DAB1: variants seen among roughly 807,000 people sequenced by gnomAD.
The protein encoded by DAB1 is DAB adaptor protein 1, also known as disabled homolog 1.
Under a neutral mutation model 64.6 loss-of-function variants are expected in DAB1, and 15 were observed. That is an observed-to-expected ratio of 0.23 (90% confidence interval 0.16 to 0.36). The LOEUF (loss-of-function observed/expected upper bound fraction) is 0.36. DAB1 is among the 10% of genes least tolerant of loss of function. The pLI, the probability that DAB1 is intolerant of heterozygous loss-of-function variation, is 1.00. For missense variants in DAB1, 596 were observed against 706.7 expected (o/e 0.84, Z 1.78); for synonymous variants, 235 against 251.9 (o/e 0.93, Z 0.64).
chr1:57,353,180 CCTGA>C (rs372257554), intron 1 of DAB1, among the ~76,000 whole-genome samples: 80 of 150,612 alleles, frequency 5.3e-4, no homozygotes, highest in African/African-American at 1.9e-3. Context: ...TCTAGAGAAA[CCTGA>C]CTAATACATA....
chr1:57,422,658 C>T (rs1004501168), intron 1 of DAB1, among the ~76,000 whole-genome samples: 2 of 152,126 alleles, frequency 1.3e-5, no homozygotes, highest in Admixed American at 1.3e-4. Context: ...CCTTCAGACT[C>T]TCCCAGCCTA....
At chr1:57,330,309 C>T (rs1450978076) in intron 1 of DAB1, among the ~76,000 whole-genome samples, 1 of 152,130 alleles carries the variant, frequency 6.6e-6, no homozygotes. Context: ...CTCTGAAGTG[C>T]TCTCAGATAT....
intron 2 of DAB1, among the ~76,000 whole-genome samples, chr1:57,256,792 T>C (rs1383850841): frequency 2.6e-5 from 4 of 152,198 alleles, no homozygotes; most frequent in Admixed American, 2.6e-4. Context: ...GGACAAGCCT[T>C]GGCTTTCTCC....
At chr1:57,567,909 G>C (rs1275486637) in intron 7 of DAB1, among the ~76,000 whole-genome samples, 1 of 152,118 alleles carries the variant, frequency 6.6e-6, no homozygotes, top group Non-Finnish European at 1.5e-5. Context: ...TTTCTTCACA[G>C]AATTGGAAAA....
At chr1:57,116,148 G>T (rs1410892115) in intron 4 of DAB1, among the ~76,000 whole-genome samples, 1 of 152,058 alleles carries the variant, frequency 6.6e-6, no homozygotes, top group Non-Finnish European at 1.5e-5. Flanking sequence ...ATGCTGAGCA[G>T]TTTAGTGTGG....
intron 9 of DAB1, among the ~76,000 whole-genome samples, chr1:57,053,825 C>A (rs11206961): frequency 6.6e-6 from 1 of 150,486 alleles, no homozygotes; most frequent in African/African-American, 2.4e-5. Flanking sequence ...GTAGCTGGGA[C>A]TACAGAAGTG....
At chr1:58,275,326 A>G (rs1661416432) in intron 4 of DAB1, among the ~76,000 whole-genome samples, 1 of 152,204 alleles carries the variant, frequency 6.6e-6, no homozygotes. Context: ...AAAAACAGGT[A>G]AATTGGACTA....
intron 4 of DAB1, among the ~76,000 whole-genome samples, chr1:57,112,639 A>G (rs1459238135): frequency 1.3e-5 from 2 of 152,204 alleles, no homozygotes; most frequent in Non-Finnish European, 2.9e-5. Flanking sequence ...ATTCCTTTGC[A>G]CATGAGCTTT....
chr1:58,116,276 G>T (rs1570371320), intron 5 of DAB1, among the ~76,000 whole-genome samples: 1 of 152,178 alleles, frequency 6.6e-6, no homozygotes, highest in East Asian at 1.9e-4. Context: ...GTTCCTGGAA[G>T]CATCTTTGAA....
At chr1:57,523,782 G>A (rs555505483) in intron 7 of DAB1, among the ~76,000 whole-genome samples, 35 of 152,034 alleles carry the variant, frequency 2.3e-4, no homozygotes, top group African/African-American at 3.1e-4. Flanking sequence ...AAAATTAGCC[G>A]GGTGTGATGG....
intron 4 of DAB1, among the ~76,000 whole-genome samples, chr1:58,267,269 T>C (rs1305068559): frequency 6.6e-6 from 1 of 152,192 alleles, no homozygotes; most frequent in East Asian, 1.9e-4. Context: ...GAAAAAAATG[T>C]ATTTGCTCTG....
upstream of DAB1, among the ~76,000 whole-genome samples, chr1:57,888,894 C>G (rs939083516): frequency 2.6e-5 from 4 of 152,156 alleles, no homozygotes; most frequent in Non-Finnish European, 4.4e-5. Context: ...GTTCTGGGGA[C>G]AGATTCTCCT....
chr1:57,618,564 G>A (rs1011785449), intron 7 of DAB1, among the ~76,000 whole-genome samples: 7 of 152,112 alleles, frequency 4.6e-5, no homozygotes, highest in African/African-American at 1.7e-4. Context: ...CCTAAACAGT[G>A]CACCTGTCCA....
chr1:57,903,705 C>T (rs755190429), intron 5 of DAB1, among the ~76,000 whole-genome samples: 6 of 152,208 alleles, frequency 3.9e-5, no homozygotes, highest in Non-Finnish European at 7.3e-5. Context: ...TCACGTCTCC[C>T]TCACTACTGA....
chr1:58,077,158 T>A (rs1293105940), intron 5 of DAB1, among the ~76,000 whole-genome samples: 1 of 152,156 alleles, frequency 6.6e-6, no homozygotes, highest in East Asian at 1.9e-4. Context: ...ACAATGATAA[T>A]GATAATACCA....
chr1:58,523,483 T>C (rs1646299113), intron 2 of DAB1, among the ~76,000 whole-genome samples: 1 of 152,194 alleles, frequency 6.6e-6, no homozygotes, highest in Admixed American at 6.5e-5. Flanking sequence ...AAGGTCCTTA[T>C]GGCCCTCTGA....
intron 4 of DAB1, among the ~76,000 whole-genome samples, chr1:58,287,330 T>C (rs868254385): frequency 6.6e-6 from 1 of 152,086 alleles, no homozygotes; most frequent in Non-Finnish European, 1.5e-5. Context: ...ACTTAAAATT[T>C]AAAAAAAGAT....
intron 2 of DAB1, among the ~76,000 whole-genome samples, chr1:57,258,550 A>G (rs1292720604): frequency 6.6e-6 from 1 of 152,014 alleles, no homozygotes; most frequent in African/African-American, 2.4e-5. Flanking sequence ...CGAGATCATG[A>G]TTTCGATGAG....
At chr1:57,962,829 T>G (rs890756195) in intron 5 of DAB1, among the ~76,000 whole-genome samples, 1 of 151,470 alleles carries the variant, frequency 6.6e-6, no homozygotes, top group Non-Finnish European at 1.5e-5. Context: ...GCTGCAATTA[T>G]GTACCACTGC....
Sources: allele counts gnomAD v4.1 joint callset (sites outside exome capture counted in the v4.1 genomes callset), GRCh38; gene constraint gnomAD v4.1.1; transcripts MANE v1.5; gene names NCBI Gene and HGNC (gene_info 2026-07-23, HGNC 2026-07-21).